The following C9orf72 variants were observed in gnomAD, a reference collection of about 807,000 sequenced individuals.
The protein encoded by C9orf72 is guanine nucleotide exchange factor C9orf72.
In C9orf72, 44 loss-of-function variants were observed where a neutral mutation model predicts 51.6. The observed-to-expected ratio is 0.85, with a 90% CI of 0.67 to 1.10. The LOEUF is 1.10. C9orf72 is among the 50% of genes least tolerant of loss of function. The pLI is 0.00. For missense variants in C9orf72, 607 were observed against 570.6 expected (o/e 1.06, Z -0.65); for synonymous variants, 213 against 194.2 (o/e 1.10, Z -0.81).
chr9:27,562,108 T>A (rs1819364470), intron 4 of C9orf72, among the ~76,000 whole-genome samples: 1 of 152,178 alleles, frequency 6.6e-6, no homozygotes, highest in Non-Finnish European at 1.5e-5. Flanking sequence ...ATTGCTCCTA[T>A]AAGAGCTGGG....
intron 1 of C9orf72, among the ~76,000 whole-genome samples, chr9:27,573,068 G>A (rs548407145): frequency 6.6e-6 from 1 of 152,262 alleles, no homozygotes; most frequent in South Asian, 2.1e-4. Flanking sequence ...CCTTCCCCCA[G>A]GCGAGGCCTC....
chr9:27,558,809 C>T, intron 6 of C9orf72: 1 of 462,502 alleles, frequency 2.2e-6, no homozygotes, highest in Non-Finnish European at 3.8e-6. Context: ...TTAGAAAATG[C>T]TTGGTAAATT....
rs1221051797 is a variant in C9orf72 at position 27,556,542 on chromosome 9, C to T, written c.1091+19G>A. The stretch of plus-strand genomic sequence containing the variant: ...TCATATTGCTTGACTACAGTACCAG[C>T]AGGCAGAGCATTACGTACAAATCAG... On this transcript the variant is annotated intron_variant, in intron 8 of 10. Coordinates refer to ENST00000380003, the MANE Select transcript of C9orf72 (RefSeq NM_018325.5). The T allele has an allele frequency of 6.7e-6, 10 of 1,492,570 alleles. No individual in the cohort carries two copies. Among genetic ancestry groups the T allele is most frequent in the Non-Finnish European group, 9.3e-6 (10 of 1,071,476 alleles). The allele number at this position is 1,492,570 out of a possible 1,614,324, so 92.5% of individuals were successfully genotyped here. A position where few individuals can be genotyped will look rare whatever the true frequency, so the allele number is the denominator to read the frequency against.
At chr9:27,568,527 A>G (rs1474218238) in intron 1 of C9orf72, among the ~76,000 whole-genome samples, 1 of 152,188 alleles carries the variant, frequency 6.6e-6, no homozygotes, top group Non-Finnish European at 1.5e-5. Context: ...AAAAAGGTAC[A>G]TCCTATGTGA....
intron 2 of C9orf72, among the ~76,000 whole-genome samples, chr9:27,566,194 T>G (rs1819463214): frequency 6.6e-6 from 1 of 152,148 alleles, no homozygotes. Flanking sequence ...TCTGTAAGAT[T>G]AAAAGGAATT....
chr9:27,554,611 C>A (rs972946928), intron 8 of C9orf72: 1 of 398,162 alleles, frequency 2.5e-6, no homozygotes, highest in Non-Finnish European at 4.4e-6. Context: ...CACACCTGCA[C>A]ATGTACACAT....
chr9:27,558,920 C>G (rs2297694), intron 6 of C9orf72: 51,849 of 196,906 alleles, frequency 0.26, 7,050 homozygotes, highest in Admixed American at 0.3. Context: ...TTTGACCATG[C>G]AACTTTTATA....
intron 1 of C9orf72, among the ~76,000 whole-genome samples, chr9:27,572,816 C>G (rs1347021422): frequency 6.6e-6 from 1 of 152,228 alleles, no homozygotes; most frequent in African/African-American, 2.4e-5. Flanking sequence ...TTAAGCAAGT[C>G]TGTGTCATCT....
intron 5 of C9orf72, 79 bp downstream of exon 5, chr9:27,561,506 C>A: frequency 6.3e-7 from 1 of 1,577,184 alleles, no homozygotes; most frequent in Non-Finnish European, 8.6e-7. Context: ...CTGTTATTTT[C>A]TTTCTTCCAA....
In C9orf72 at chr9:27,548,086, G is replaced by C; in HGVS notation, c.*150C>G. 1 of 490,798 alleles carries C rather than the reference G, an allele frequency of 2.0e-6. No homozygotes were observed. The highest frequency in any genetic ancestry group is 3.5e-6 in the Non-Finnish European group (1 of 282,322). 30.4% of individuals were successfully genotyped at this position (490,798 alleles called of 1,614,324 possible). ...TGATGCACCTGACATCCCCTCACAGGCTCTTGTGAGAACTGTAGTGTAACT... is the reference window on the plus strand; with the variant it reads ...TGATGCACCTGACATCCCCTCACAGCCTCTTGTGAGAACTGTAGTGTAACT... On this transcript the variant is annotated 3_prime_UTR_variant, in exon 11 of 11. Transcript: ENST00000380003.
chr9:27,557,570 T>C (rs1376767589), intron 7 of C9orf72, among the ~76,000 whole-genome samples: 1 of 152,156 alleles, frequency 6.6e-6, no homozygotes. Context: ...GCATCTGGTA[T>C]AGGTCCCTTT....
At chr9:27,551,079 A>G (rs954635943) in intron 8 of C9orf72, among the ~76,000 whole-genome samples, 3 of 120,656 alleles carry the variant, frequency 2.5e-5, no homozygotes, top group African/African-American at 8.4e-5. Flanking sequence ...AATTCTTGCC[A>G]TCTCAAAAAA....
intron 8 of C9orf72, among the ~76,000 whole-genome samples, chr9:27,553,771 T>C (rs1028792405): frequency 1.3e-5 from 2 of 151,752 alleles, no homozygotes; most frequent in African/African-American, 2.4e-5. Flanking sequence ...ACCTACACAA[T>C]GGGAGAAAAA....
At position 27,547,722 on chromosome 9, in the gene C9orf72, TTTTC is replaced by T. The variant is rs1820797566; in HGVS notation, c.*510_*513del. On this transcript the variant is annotated 3_prime_UTR_variant, in exon 11 of 11. Coordinates refer to ENST00000380003, the MANE Select transcript of C9orf72 (RefSeq NM_018325.5). ...TCCAATTAAACATCTGCTTGATCAATTTTCTTTCTAAAGCTCATCCTATGTTCAA... is the reference window on the plus strand; with the variant it reads ...TCCAATTAAACATCTGCTTGATCAATTTTCTAAAGCTCATCCTATGTTCAA... 6.5e-6 allele frequency: 1 copy of T among 152,734 alleles called. No individual in the cohort carries two copies. The highest frequency in any genetic ancestry group is 2.1e-4 in the South Asian group (1 of 4,824). 9.5% of individuals were successfully genotyped at this position (152,734 alleles called of 1,614,324 possible).
intron 8 of C9orf72, among the ~76,000 whole-genome samples, chr9:27,552,949 C>A (rs1041617899): frequency 6.6e-6 from 1 of 152,024 alleles, no homozygotes; most frequent in African/African-American, 2.4e-5. Flanking sequence ...TGTGTCTCTG[C>A]CAGGTTTTGG....
Position 27,566,760 on chromosome 9 carries a change from G to A in C9orf72, c.361C>T (p.Leu121Phe), listed in dbSNP as rs1363703997. 3 of 1,613,692 alleles carry A rather than the reference G, an allele frequency of 1.9e-6. No homozygotes were observed. The African/African-American group carries it at 4.0e-5, about 22-fold the overall frequency. The change falls in exon 2 of 11, where the codon CTT becomes TTT. Residue 121 changes from leucine to phenylalanine, a missense_variant. Transcript: ENST00000380003. ...GLSIILPQTE[L>F]SFYLPLHRVC... The stretch of plus-strand genomic sequence containing the variant: ...CTATGAAGTGGGAGGTAGAAACTAA[G>A]TTCTGTCTGTGGAAGTATAATTGAT...
At chr9:27,567,962 C>T (rs1224225488) in intron 1 of C9orf72, among the ~76,000 whole-genome samples, 2 of 151,958 alleles carry the variant, frequency 1.3e-5, no homozygotes, top group African/African-American at 4.8e-5. Flanking sequence ...CTTCTAGCTT[C>T]TAGAATTGTG....
chr9:27,551,703 C>T (rs891864510), intron 8 of C9orf72, among the ~76,000 whole-genome samples: 8 of 152,212 alleles, frequency 5.3e-5, no homozygotes, highest in African/African-American at 1.7e-4. Context: ...AGTGCCCCTT[C>T]TTGGGCTCTG....
Position 27,551,925 on chromosome 9 carries a change from T to C in C9orf72, c.1092-1218A>G, listed in dbSNP as rs150755475. Among the ~76,000 whole-genome samples the C allele has an allele frequency of 1.3e-4, 20 of 152,362 alleles. No individual in the cohort carries two copies. In the East Asian group the frequency reaches 3.3e-3, roughly 25 times the overall value. ...GTTAGCTGGATTCCTAGGTATTTTATTCGTTTTGCGGCTATTGTGAATGGG... is the reference window on the plus strand; with the variant it reads ...GTTAGCTGGATTCCTAGGTATTTTACTCGTTTTGCGGCTATTGTGAATGGG... On this transcript the variant is annotated intron_variant, in intron 8 of 10. Coordinates refer to ENST00000380003, the MANE Select transcript of C9orf72 (RefSeq NM_018325.5).
Sources: gnomAD v4.1 joint callset for allele counts (sites outside exome capture counted in the v4.1 genomes callset) on GRCh38, gnomAD v4.1.1 for gene constraint, MANE v1.5 for transcripts, NCBI Gene and HGNC (gene_info 2026-07-23, HGNC 2026-07-21) for gene names.